ZCWPW2: variants seen among roughly 807,000 people sequenced by gnomAD.
ZCWPW2 encodes zinc finger CW-type and PWWP domain containing 2, also known as zinc finger CW-type PWWP domain protein 2.
In ZCWPW2, 45 loss-of-function variants were observed where a neutral mutation model predicts 46.6. The observed-to-expected ratio is 0.96, with a 90% CI of 0.76 to 1.24. ZCWPW2 has a LOEUF of 1.24. ZCWPW2 is among the 50% of genes most tolerant of loss of function. The pLI, the probability that ZCWPW2 is intolerant of heterozygous loss-of-function variation, is 0.00. For missense variants in ZCWPW2, 429 were observed against 403.9 expected (o/e 1.06, Z -0.53); for synonymous variants, 152 against 137.1 (o/e 1.11, Z -0.76).
At position 28,405,090 on chromosome 3, in the gene ZCWPW2, A is replaced by G. The variant is rs375753966; in HGVS notation, c.-13-7966A>G. 7.9e-5 allele frequency among the ~76,000 whole-genome samples: 12 copies of G among 152,372 alleles called. No individual in the cohort carries two copies. In the East Asian group the frequency reaches 1.9e-3, roughly 24 times the overall value. On this transcript the variant is annotated intron_variant, in intron 2 of 9. Coordinates refer to ENST00000383768, the MANE Select transcript of ZCWPW2 (RefSeq NM_001040432.4). ...TTCTTATCACATCTCACATAAAAAA[A>G]GAAAATATAAGTGAAATAAATGTGG... is the stretch of plus-strand genomic sequence containing the variant.
chr3:28,373,972 A>G (rs984294962), intron 1 of ZCWPW2, among the ~76,000 whole-genome samples: 4 of 152,134 alleles, frequency 2.6e-5, no homozygotes, highest in Non-Finnish European at 2.9e-5. Context: ...GTTGATTGCC[A>G]TGCAGAAGCT....
At chr3:28,458,487 A>G (rs1698507607) in intron 4 of ZCWPW2, among the ~76,000 whole-genome samples, 1 of 152,144 alleles carries the variant, frequency 6.6e-6, no homozygotes. Flanking sequence ...GTAGACATCA[A>G]ATGATAATCT....
chr3:28,377,973 C>T (rs1357789482), intron 1 of ZCWPW2, among the ~76,000 whole-genome samples: 3 of 152,002 alleles, frequency 2.0e-5, no homozygotes, highest in Admixed American at 1.3e-4. Context: ...TGCCAGTATG[C>T]TGTTTTCGTC....
At chr3:28,511,480 A>G (rs1700423741) in intron 6 of ZCWPW2, among the ~76,000 whole-genome samples, 2 of 152,208 alleles carry the variant, frequency 1.3e-5, no homozygotes, top group Non-Finnish European at 2.9e-5. Flanking sequence ...GAATTTTTCT[A>G]TCCATTGAAG....
intron 3 of ZCWPW2, among the ~76,000 whole-genome samples, chr3:28,432,909 G>A (rs1697325949): frequency 1.3e-5 from 2 of 152,070 alleles, no homozygotes; most frequent in South Asian, 4.2e-4. Context: ...TTCTATCCCT[G>A]GTCTTGATAC....
At chr3:28,366,988 T>C (rs926067873) in intron 1 of ZCWPW2, among the ~76,000 whole-genome samples, 1 of 152,188 alleles carries the variant, frequency 6.6e-6, no homozygotes, top group Non-Finnish European at 1.5e-5. Context: ...TCAGTGGTTA[T>C]ACCCCCTTTT....
intron 4 of ZCWPW2, among the ~76,000 whole-genome samples, chr3:28,438,585 T>C (rs1697592288): frequency 6.6e-6 from 1 of 152,164 alleles, no homozygotes; most frequent in Admixed American, 6.5e-5. Context: ...TTTTCAAACT[T>C]ACCACATTAT....
chr3:28,453,434 C>T (rs1022559618), intron 4 of ZCWPW2, among the ~76,000 whole-genome samples: 3 of 152,086 alleles, frequency 2.0e-5, no homozygotes, highest in Non-Finnish European at 4.4e-5. Flanking sequence ...CTACCTTTTC[C>T]ATCATCAAAT....
chr3:28,370,851 G>A (rs1451734241), intron 1 of ZCWPW2, among the ~76,000 whole-genome samples: 1 of 152,148 alleles, frequency 6.6e-6, no homozygotes, highest in African/African-American at 2.4e-5. Flanking sequence ...TCCTGCCTCA[G>A]CCTCCTGAGT....
chr3:28,369,660 G>T (rs1705242425), intron 1 of ZCWPW2, among the ~76,000 whole-genome samples: 1 of 152,170 alleles, frequency 6.6e-6, no homozygotes. Flanking sequence ...TGCGTGCTGG[G>T]GGAACCACTA....
chr3:28,506,123 T>C (rs1221032866), intron 6 of ZCWPW2, among the ~76,000 whole-genome samples: 1 of 147,578 alleles, frequency 6.8e-6, no homozygotes, highest in Non-Finnish European at 1.5e-5. Context: ...TTAACAAATA[T>C]ATATTTTTAA....
rs892481675 is a variant in ZCWPW2 at position 28,420,227 on chromosome 3, C to T, written c.332+6827C>T. Among the ~76,000 whole-genome samples, 5 of 151,910 alleles carry T rather than the reference C, an allele frequency of 3.3e-5. No homozygotes were observed. The South Asian group carries it at 8.3e-4, about 25-fold the overall frequency. ...GCTTCTCTAGTTCTTTTAATTGTGG[C>T]GTTAGGGTGTCAGTTTTAGATCTTT... On this transcript the variant is annotated intron_variant, in intron 3 of 9. Transcript: ENST00000383768.
At chr3:28,362,416 G>A (rs910821865) in intron 1 of ZCWPW2, among the ~76,000 whole-genome samples, 14 of 152,122 alleles carry the variant, frequency 9.2e-5, no homozygotes, top group Non-Finnish European at 1.6e-4. Flanking sequence ...AATGGGTAAA[G>A]GGCATGAACA....
chr3:28,393,435 ATTACAACATTAGTG>A (rs1453679068), intron 2 of ZCWPW2, among the ~76,000 whole-genome samples: 3 of 152,130 alleles, frequency 2.0e-5, no homozygotes, highest in African/African-American at 4.8e-5. Flanking sequence ...CTAAACTCAT[ATTACAACATTAGTG>A]TCACCCTTAT....
chr3:28,407,965 A>C (rs1255146582), intron 2 of ZCWPW2, among the ~76,000 whole-genome samples: 1 of 152,152 alleles, frequency 6.6e-6, no homozygotes. Flanking sequence ...AAACCAGCAA[A>C]GTGTTGGAGA....
intron 1 of ZCWPW2, among the ~76,000 whole-genome samples, chr3:28,358,436 T>C (rs1292702945): frequency 6.6e-6 from 1 of 152,152 alleles, no homozygotes; most frequent in African/African-American, 2.4e-5. Context: ...TGGATTATCA[T>C]TGATATTATA....
intron 4 of ZCWPW2, among the ~76,000 whole-genome samples, chr3:28,462,785 C>A (rs746329985): frequency 4.0e-5 from 6 of 148,596 alleles, no homozygotes; most frequent in African/African-American, 9.7e-5. Flanking sequence ...GGTGGACAAA[C>A]CCTTATGTAT....
chr3:28,366,179 T>C lies in ZCWPW2; in HGVS notation c.-134+16976T>C, dbSNP rs1193168930. ...ACCCTGGCCAGAACTTCCAACACTA[T>C]GTTGATTAGGAGTGGTGAGAGAGGG... is the stretch of plus-strand genomic sequence containing the variant. On this transcript the variant is annotated intron_variant, in intron 1 of 9. Coordinates refer to ENST00000383768, the MANE Select transcript of ZCWPW2 (RefSeq NM_001040432.4). Among the ~76,000 whole-genome samples, 7 of 139,692 alleles carry C rather than the reference T, an allele frequency of 5.0e-5. No homozygotes were observed. In the South Asian group the frequency reaches 1.5e-3, roughly 30 times the overall value. The allele number at this position is 139,692 out of a possible 152,430, so 91.6% of individuals were successfully genotyped here.
intron 2 of ZCWPW2, among the ~76,000 whole-genome samples, chr3:28,411,741 G>A (rs1039586401): frequency 5.3e-5 from 8 of 151,986 alleles, no homozygotes; most frequent in African/African-American, 1.4e-4. Context: ...TCCACATTGC[G>A]TTTTTGCCTT....
Sources: gnomAD v4.1 joint callset for allele counts (sites outside exome capture counted in the v4.1 genomes callset) on GRCh38, gnomAD v4.1.1 for gene constraint, MANE v1.5 for transcripts, NCBI Gene and HGNC (gene_info 2026-07-23, HGNC 2026-07-21) for gene names.